Variants in SCUBE3 observed in about 807,000 individuals in gnomAD.
SCUBE3 encodes signal peptide, CUB domain and EGF like domain containing 3, also known as signal peptide, CUB and EGF-like domain-containing protein 3.
Under a neutral mutation model 116.8 loss-of-function variants are expected in SCUBE3, and 33 were observed. The observed-to-expected ratio is 0.28, with a 90% CI of 0.21 to 0.38. The LOEUF is 0.38. Ranked by LOEUF, SCUBE3 falls within the 10% of genes least tolerant of loss-of-function variation. The pLI, the probability that SCUBE3 is intolerant of heterozygous loss-of-function variation, is 1.00. For missense variants in SCUBE3, 1,007 were observed against 1,324.8 expected, an observed-to-expected ratio of 0.76 and a Z score of 3.72; for synonymous variants, 418 against 496.9, an observed-to-expected ratio of 0.84 and a Z score of 2.11.
rs1202660823 is a variant in SCUBE3 at position 35,231,178 on chromosome 6, C to A, written c.335-547C>A. On this transcript the variant is annotated intron_variant, in intron 3 of 21. Coordinates refer to ENST00000274938, the MANE Select transcript of SCUBE3 (RefSeq NM_152753.4). The surrounding 1 kb of genome is among the most constrained non-coding windows in gnomAD (Gnocchi z 4.2). Reference sequence around the variant, plus strand: ...GAGGGGAGGAAGGACAGGGCTGTGGCCTGTCCACAGAAATGGTCCCTGCTC... The same window carrying A: ...GAGGGGAGGAAGGACAGGGCTGTGGACTGTCCACAGAAATGGTCCCTGCTC... Among the ~76,000 whole-genome samples the A allele has an allele frequency of 6.6e-6, 1 of 152,152 alleles. No individual in the cohort carries two copies. The highest frequency in any genetic ancestry group is 1.5e-5 in the Non-Finnish European group (1 of 68,004).
chr6:35,242,826 A>G, intron 14 of SCUBE3, 46 bp downstream of exon 14: 1 of 1,599,970 alleles, frequency 6.3e-7, no homozygotes, highest in Non-Finnish European at 8.6e-7. Flanking sequence ...AGGGGAGGGC[A>G]GAGGTGGGGA....
In SCUBE3 at chr6:35,232,232, T is replaced by G. The variant is rs1316356165; in HGVS notation, c.469+373T>G. Among the ~76,000 whole-genome samples the G allele has an allele frequency of 6.6e-6, 1 of 152,112 alleles. No homozygotes were observed. Among genetic ancestry groups the G allele is most frequent in the Admixed American group, 6.5e-5 (1 of 15,278 alleles). ...GCATGGGAGGGTCAGGCAGGAATAA[T>G]GGGTTTATATTGGCTGTTTCTATGA... is the stretch of plus-strand genomic sequence containing the variant. On this transcript the variant is annotated intron_variant, in intron 4 of 21. Coordinates refer to ENST00000274938, the MANE Select transcript of SCUBE3 (RefSeq NM_152753.4). The surrounding 1 kb of genome is among the most constrained non-coding windows in gnomAD (Gnocchi z 4.2).
In SCUBE3 at chr6:35,240,251, G is replaced by C. The variant is rs931678704; in HGVS notation, c.953-123G>C. The C allele has an allele frequency of 1.8e-5, 11 of 594,904 alleles. No homozygotes were observed. The highest frequency in any genetic ancestry group is 3.3e-5 in the Non-Finnish European group (11 of 337,444). 36.9% of individuals were successfully genotyped at this position (594,904 alleles called of 1,614,324 possible). A position where few individuals can be genotyped will look rare whatever the true frequency, so the allele number is the denominator to read the frequency against. On this transcript the variant is annotated intron_variant, in intron 8 of 21. Coordinates refer to ENST00000274938, the MANE Select transcript of SCUBE3 (RefSeq NM_152753.4). This position sits in a 1 kb window ranked among gnomAD's most constrained non-coding sequence, Gnocchi z 4.6. Reference sequence around the variant, plus strand: ...TGTTAAATCACTGGTCCTAGAGCTAGGACATGAATAGGAACTCTTCAGTTC... The same window carrying C: ...TGTTAAATCACTGGTCCTAGAGCTACGACATGAATAGGAACTCTTCAGTTC...
Position 35,241,992 on chromosome 6 carries a change from C to A in SCUBE3, c.1417+82C>A. ...TTTTTGTTCTTCATCAATCCCCTGG[C>A]CTTCCTTTCTCCTGGATCCTCTTTT... is the stretch of plus-strand genomic sequence containing the variant. On this transcript the variant is annotated intron_variant, in intron 12 of 21. Transcript: ENST00000274938. This position sits in a 1 kb window ranked among gnomAD's most constrained non-coding sequence, Gnocchi z 4.1. 1.9e-6 allele frequency: 2 copies of A among 1,048,778 alleles called. No individual in the cohort carries two copies. Among genetic ancestry groups the A allele is most frequent in the Non-Finnish European group, 3.0e-6 (2 of 675,338 alleles). 65.0% of individuals were successfully genotyped at this position (1,048,778 alleles called of 1,614,324 possible).
Position 35,235,861 on chromosome 6 carries a change from TG to T in SCUBE3, c.713-2040del, listed in dbSNP as rs2150303030. Among the ~76,000 whole-genome samples the T allele has an allele frequency of 6.8e-6, 1 of 146,742 alleles. No homozygotes were observed. Among genetic ancestry groups the T allele is most frequent in the East Asian group, 2.1e-4 (1 of 4,828 alleles). ...TCCCTGTCATGCCCACTGTGCCACC[TG>T]AGATAGGGGTGCGATAGGATTAGAT... is the stretch of plus-strand genomic sequence containing the variant. On this transcript the variant is annotated intron_variant, in intron 6 of 21. Transcript: ENST00000274938. The surrounding 1 kb of genome is among the most constrained non-coding windows in gnomAD (Gnocchi z 4.5).
Position 35,228,695 on chromosome 6 carries a change from G to T in SCUBE3, c.290G>T (p.Cys97Phe), listed in dbSNP as rs1339505095. The change falls in exon 3 of 22, where the codon TGC (cysteine) becomes TTC (phenylalanine). Residue 97 changes from cysteine to phenylalanine, a missense_variant. Physicochemically the swap from Cys to Phe is radical, Grantham distance 205. Coordinates refer to ENST00000274938, the MANE Select transcript of SCUBE3 (RefSeq NM_152753.4). This position sits in a 1 kb window ranked among gnomAD's most constrained non-coding sequence, Gnocchi z 4.9. The stretch of plus-strand genomic sequence containing the variant: ...ATCCCTGGCAATTACCGGTGTACCT[G>T]CTATGATGGATTCCACCTGGCACAT... Reference protein sequence around the residue: ...VNIPGNYRCTCYDGFHLAHDG... With the variant: ...VNIPGNYRCTFYDGFHLAHDG... 6.2e-7 allele frequency: 1 copy of T among 1,614,140 alleles called. No homozygotes were observed. The highest frequency in any genetic ancestry group is 1.1e-5 in the South Asian group (1 of 91,088).
In SCUBE3 at chr6:35,244,955, A is replaced by C; in HGVS notation, c.2401+144A>C. ...TCCACCTTCCACCTCTCCCCAACTCACTCAATCTCAAGGCCAGTTGCTAGG... is the reference window on the plus strand; with the variant it reads ...TCCACCTTCCACCTCTCCCCAACTCCCTCAATCTCAAGGCCAGTTGCTAGG... On this transcript the variant is annotated intron_variant, in intron 18 of 21. Coordinates refer to ENST00000274938, the MANE Select transcript of SCUBE3 (RefSeq NM_152753.4). The surrounding 1 kb of genome is among the most constrained non-coding windows in gnomAD (Gnocchi z 4.3). 1.2e-6 allele frequency: 1 copy of C among 825,926 alleles called. No homozygotes were observed. The highest frequency in any genetic ancestry group is 1.9e-6 in the Non-Finnish European group (1 of 518,508). 51.2% of individuals were successfully genotyped at this position (825,926 alleles called of 1,614,324 possible).
chr6:35,225,684 CTCT>C (rs750597929), intron 1 of SCUBE3, among the ~76,000 whole-genome samples: 3 of 152,158 alleles, frequency 2.0e-5, no homozygotes, highest in Non-Finnish European at 4.4e-5. Context: ...GATTTCAGTT[CTCT>C]TCTTAGCCCC....
Position 35,233,413 on chromosome 6 carries a change from G to A in SCUBE3, c.712+112G>A, listed in dbSNP as rs1783632501. On this transcript the variant is annotated intron_variant, in intron 6 of 21. Coordinates refer to ENST00000274938, the MANE Select transcript of SCUBE3 (RefSeq NM_152753.4). This position sits in a 1 kb window ranked among gnomAD's most constrained non-coding sequence, Gnocchi z 5.7. ...GGGGCCCAGGTGCTGGGCACAGAGG[G>A]ACTGGTGAGGGAGTTAAGACCCAGA... is the stretch of plus-strand genomic sequence containing the variant. 3 of 706,246 alleles carry A rather than the reference G, an allele frequency of 4.2e-6. No homozygotes were observed. The highest frequency in any genetic ancestry group is 7.6e-6 in the Non-Finnish European group (3 of 394,134). 43.7% of individuals were successfully genotyped at this position (706,246 alleles called of 1,614,324 possible).
chr6:35,245,568 A>C lies in SCUBE3; in HGVS notation c.2599+143A>C. 1.5e-6 allele frequency: 1 copy of C among 686,960 alleles called. No individual in the cohort carries two copies. The highest frequency in any genetic ancestry group is 2.5e-6 in the Non-Finnish European group (1 of 403,286). 42.6% of individuals were successfully genotyped at this position (686,960 alleles called of 1,614,324 possible). Reference sequence around the variant, plus strand: ...GTGAAATAGTGAGAGGCCTTTAGGAAGAGAGAAGCTAACAAAGGAAAACAG... The same window carrying C: ...GTGAAATAGTGAGAGGCCTTTAGGACGAGAGAAGCTAACAAAGGAAAACAG... On this transcript the variant is annotated intron_variant, in intron 19 of 21. Coordinates refer to ENST00000274938, the MANE Select transcript of SCUBE3 (RefSeq NM_152753.4). The surrounding 1 kb of genome is among the most constrained non-coding windows in gnomAD (Gnocchi z 4.2).
At position 35,224,816 on chromosome 6, in the gene SCUBE3, T is replaced by C. The variant is rs922932477; in HGVS notation, c.86-2764T>C. 2.6e-5 allele frequency among the ~76,000 whole-genome samples: 4 copies of C among 152,064 alleles called. No homozygotes were observed. In the East Asian group the frequency reaches 7.7e-4, roughly 29 times the overall value. The stretch of plus-strand genomic sequence containing the variant: ...TGATTCAGTCACAGGCACATACCTC[T>C]GATATGGTCAGGGGAGCAGTTCCAG... On this transcript the variant is annotated intron_variant, in intron 1 of 21. Coordinates refer to ENST00000274938, the MANE Select transcript of SCUBE3 (RefSeq NM_152753.4).
At chr6:35,223,847 G>A (rs1406824491) in intron 1 of SCUBE3, 1 of 152,156 alleles carries the variant, frequency 6.6e-6, no homozygotes, top group African/African-American at 2.4e-5. Flanking sequence ...TATAATTTGG[G>A]GCCCTCTTTC....
chr6:35,224,135 ATGCATC>A (rs1317485647), intron 1 of SCUBE3: 1 of 152,210 alleles, frequency 6.6e-6, no homozygotes, highest in Non-Finnish European at 1.5e-5. Context: ...AAAATGAGGA[ATGCATC>A]TGCAATGTGA....
chr6:35,243,256 A>C lies in SCUBE3; in HGVS notation c.1909+20A>C, dbSNP rs763479541. On this transcript the variant is annotated intron_variant, in intron 15 of 21. Transcript: ENST00000274938. The surrounding 1 kb of genome is among the most constrained non-coding windows in gnomAD (Gnocchi z 6.6). The stretch of plus-strand genomic sequence containing the variant: ...AGTGTGGTAAGGGAGCTTACTGGGG[A>C]GCAGGGATGTAGGAAAGACCCAGTT... The C allele has an allele frequency of 1.2e-6, 2 of 1,603,072 alleles. No individual in the cohort carries two copies. The highest frequency in any genetic ancestry group is 1.7e-6 in the Non-Finnish European group (2 of 1,172,194).
chr6:35,241,107 C>A lies in SCUBE3; in HGVS notation c.1070-34C>A. On this transcript the variant is annotated intron_variant, in intron 9 of 21. Transcript: ENST00000274938. This position sits in a 1 kb window ranked among gnomAD's most constrained non-coding sequence, Gnocchi z 4.1. ...TCTCCGGCTCCTCCTCCAACTCCAT[C>A]GTTGTTTTTCTGTCTCCCTACTCCT... 1.3e-6 allele frequency: 2 copies of A among 1,563,266 alleles called. No homozygotes were observed. Among genetic ancestry groups the A allele is most frequent in the East Asian group, 2.3e-5 (1 of 43,872 alleles).
chr6:35,229,175 G>A (rs550109832), intron 3 of SCUBE3, among the ~76,000 whole-genome samples: 7 of 152,272 alleles, frequency 4.6e-5, no homozygotes, highest in South Asian at 2.1e-4. Flanking sequence ...TTGGGAGGCC[G>A]AGGCAGAGGG....
intron 21 of SCUBE3, among the ~76,000 whole-genome samples, chr6:35,247,756 G>A (rs1784407451): frequency 6.6e-6 from 1 of 152,190 alleles, no homozygotes. Context: ...AAAATCCACT[G>A]ACGCCATGGA....
Position 35,239,767 on chromosome 6 carries a change from G to A in SCUBE3, c.845G>A (p.Arg282His), listed in dbSNP as rs760678917. ...RKTCKDIDEC[R>H]LNNGGCDHIC... ...CCTTCTTCAGATATAGATGAGTGCCGCTTAAACAACGGGGGCTGTGACCAT... is the reference window on the plus strand; with the variant it reads ...CCTTCTTCAGATATAGATGAGTGCCACTTAAACAACGGGGGCTGTGACCAT... Residue 282 changes from arginine (R) to histidine (H), a missense_variant, in exon 8 of 22, where the codon CGC becomes CAC. Arg to His is a conservative substitution (Grantham distance 29). Transcript: ENST00000274938. The surrounding 1 kb of genome is among the most constrained non-coding windows in gnomAD (Gnocchi z 4.1). 8.7e-6 allele frequency: 14 copies of A among 1,611,342 alleles called. No individual in the cohort carries two copies. The highest frequency in any genetic ancestry group is 3.3e-5 in the South Asian group (3 of 90,462).
rs190040847 is a variant in SCUBE3 at position 35,231,722 on chromosome 6, C to T, written c.335-3C>T. 1.1e-4 allele frequency: 174 copies of T among 1,609,008 alleles called. No individual in the cohort carries two copies. The East Asian group carries it at 3.4e-3, about 31-fold the overall frequency. On this transcript the variant is annotated splice_polypyrimidine_tract_variant and splice_region_variant and intron_variant, in intron 3 of 21. Coordinates refer to ENST00000274938, the MANE Select transcript of SCUBE3 (RefSeq NM_152753.4). This position sits in a 1 kb window ranked among gnomAD's most constrained non-coding sequence, Gnocchi z 4.2. ...GACCCCACTGACTACCTATCCTGCA[C>T]AGATGTGGACGAGTGTGCCGAGGGC...
Sources: gnomAD v4.1 joint callset for allele counts (sites outside exome capture counted in the v4.1 genomes callset) on GRCh38, gnomAD v4.1.1 for gene constraint, Gnocchi (gnomAD v3.1) non-coding constraint, MANE v1.5 for transcripts, NCBI Gene and HGNC (gene_info 2026-07-23, HGNC 2026-07-21) for gene names.